TRIM9: variants seen among roughly 807,000 people sequenced by gnomAD.
TRIM9 encodes tripartite motif containing 9.
TRIM9 carries 26 observed loss-of-function variants against 78.3 expected under a neutral mutation model. The ratio of observed to expected loss-of-function variants is 0.33; its 90% CI spans 0.24 to 0.46. The LOEUF (loss-of-function observed/expected upper bound fraction) is 0.46, where lower values mean the gene tolerates loss of function less well. Among genes scored for constraint, TRIM9 ranks in the 20% least tolerant of loss-of-function variants. The pLI, the probability that TRIM9 is intolerant of heterozygous loss-of-function variation, is 1.00. For missense variants in TRIM9, 787 were observed against 1,036.4 expected, an observed-to-expected ratio of 0.76 and a Z score of 3.30; for synonymous variants, 398 against 416.5, an observed-to-expected ratio of 0.96 and a Z score of 0.54.
chr14:51,086,052 G>A (rs1405433559), intron 1 of TRIM9, among the ~76,000 whole-genome samples: 1 of 152,168 alleles, frequency 6.6e-6, no homozygotes, highest in Non-Finnish European at 1.5e-5. Flanking sequence ...TTGTCACAAG[G>A]AATCTTAGGA....
chr14:51,071,186 G>A (rs768511695), intron 1 of TRIM9, among the ~76,000 whole-genome samples: 2 of 151,752 alleles, frequency 1.3e-5, no homozygotes, highest in South Asian at 2.1e-4. Flanking sequence ...AAACCAGCCC[G>A]GACAACATGG....
intron 1 of TRIM9, among the ~76,000 whole-genome samples, chr14:51,058,071 A>G (rs2061028202): frequency 6.6e-6 from 1 of 152,220 alleles, no homozygotes; most frequent in Admixed American, 6.5e-5. Flanking sequence ...CTGACAGCCT[A>G]TCAGTAACTG....
chr14:50,999,112 G>T (rs1222926297), intron 6 of TRIM9, among the ~76,000 whole-genome samples: 1 of 152,040 alleles, frequency 6.6e-6, no homozygotes, highest in Non-Finnish European at 1.5e-5. Flanking sequence ...TCTGGGGTAG[G>T]GTCTCGATTT....
chr14:51,076,829 G>A (rs2062826839), intron 1 of TRIM9, among the ~76,000 whole-genome samples: 1 of 152,162 alleles, frequency 6.6e-6, no homozygotes, highest in Non-Finnish European at 1.5e-5. Flanking sequence ...CCTTCCCACT[G>A]CAAGATACAG....
Position 50,977,042 on chromosome 14 carries a change from G to GT in TRIM9, c.*248dup. 1 of 350,520 alleles carries GT rather than the reference G, an allele frequency of 2.9e-6. No individual in the cohort carries two copies. The highest frequency in any genetic ancestry group is 4.2e-5 in the East Asian group (1 of 24,012). The allele number at this position is 350,520 out of a possible 1,614,324, so 21.7% of individuals were successfully genotyped here. A position where few individuals can be genotyped will look rare whatever the true frequency, so the allele number is the denominator to read the frequency against. ...CTGGGAGTGGGAACCAAGTGACTTG[G>GT]TGGGCTGTCTAGGTCCTTTGTTGGT... On this transcript the variant is annotated 3_prime_UTR_variant, in exon 13 of 13. Transcript: ENST00000684578.
intron 7 of TRIM9, among the ~76,000 whole-genome samples, chr14:50,992,305 C>T (rs565485870): frequency 6.6e-5 from 10 of 152,096 alleles, no homozygotes; most frequent in Admixed American, 2.6e-4. Context: ...GAGCTGGGCA[C>T]GGTGGCTCAT....
chr14:51,060,702 C>T (rs1366076161), intron 1 of TRIM9, among the ~76,000 whole-genome samples: 6 of 152,104 alleles, frequency 3.9e-5, no homozygotes, highest in Middle Eastern at 3.2e-3. Context: ...CTACTGACCT[C>T]GTGATCTGCC....
intron 1 of TRIM9, among the ~76,000 whole-genome samples, chr14:51,062,164 CCT>C (rs1047417452): frequency 1.3e-5 from 2 of 151,960 alleles, no homozygotes; most frequent in African/African-American, 4.8e-5. Flanking sequence ...TTTTATGGTT[CCT>C]CTCTCTGCTG....
intron 10 of TRIM9, 61 bp downstream of exon 10, chr14:50,982,881 G>A: frequency 6.8e-7 from 1 of 1,462,210 alleles, no homozygotes; most frequent in Non-Finnish European, 9.3e-7. Flanking sequence ...TTAAACCTGT[G>A]AGACACCTCA....
chr14:51,086,274 G>C (rs1333257797), intron 1 of TRIM9, among the ~76,000 whole-genome samples: 1 of 152,138 alleles, frequency 6.6e-6, no homozygotes, highest in Non-Finnish European at 1.5e-5. Flanking sequence ...CAATTACAAC[G>C]GGTGTGACTT....
At chr14:50,982,315 G>C (rs2052051208) in intron 10 of TRIM9, 1 of 594,106 alleles carries the variant, frequency 1.7e-6, no homozygotes, top group Admixed American at 3.0e-5. Context: ...CGATTCAGCA[G>C]GGGTTACCTG....
chr14:51,061,708 G>A (rs1281311231), intron 1 of TRIM9, among the ~76,000 whole-genome samples: 2 of 152,106 alleles, frequency 1.3e-5, no homozygotes, highest in African/African-American at 2.4e-5. Context: ...TGAAATAGAA[G>A]TTGAGGTTCT....
chr14:51,073,539 G>A (rs935967793), intron 1 of TRIM9, among the ~76,000 whole-genome samples: 1 of 152,220 alleles, frequency 6.6e-6, no homozygotes, highest in African/African-American at 2.4e-5. Flanking sequence ...GAGAAGCCAT[G>A]CATAAGAGTG....
chr14:50,997,324 A>C (rs1262933372), intron 7 of TRIM9: 7 of 985,296 alleles, frequency 7.1e-6, no homozygotes, highest in African/African-American at 1.7e-5. Flanking sequence ...TATAGCTAAG[A>C]AGCAAAAATT....
At chr14:51,058,812 T>C (rs1403642775) in intron 1 of TRIM9, among the ~76,000 whole-genome samples, 1 of 152,266 alleles carries the variant, frequency 6.6e-6, no homozygotes. Context: ...CTGAAGATTA[T>C]GGATGGGATT....
At chr14:51,074,895 A>G (rs1157819024) in intron 1 of TRIM9, among the ~76,000 whole-genome samples, 1 of 152,228 alleles carries the variant, frequency 6.6e-6, no homozygotes, top group African/African-American at 2.4e-5. Context: ...CCGCAACTAC[A>G]TGGTTCATCT....
At chr14:51,060,678 A>G (rs758089035) in intron 1 of TRIM9, among the ~76,000 whole-genome samples, 1 of 152,148 alleles carries the variant, frequency 6.6e-6, no homozygotes, top group Non-Finnish European at 1.5e-5. Context: ...CGTGTTAGCC[A>G]GGATGGTCTC....
intron 7 of TRIM9, chr14:50,996,752 G>A: frequency 1.0e-6 from 1 of 985,424 alleles, no homozygotes; most frequent in Non-Finnish European, 1.2e-6. Context: ...GTGCTAAAAT[G>A]ATAATTCTGG....
Position 51,016,114 on chromosome 14 carries a change from G to A in TRIM9, c.1042-5620C>T, listed in dbSNP as rs192046379. ...CCCTGATATAAAATGGCATGGTACT[G>A]GCATATTACCTATGCACATCCTCTT... On this transcript the variant is annotated intron_variant, in intron 3 of 12. Coordinates refer to ENST00000684578, the MANE Select transcript of TRIM9 (RefSeq NM_001387360.1). Among the ~76,000 whole-genome samples the A allele has an allele frequency of 2.9e-3, 437 of 152,192 alleles. 2 individuals carry two copies. Among genetic ancestry groups the A allele is most frequent in the Non-Finnish European group, 4.0e-3 (269 of 68,004 alleles).
Sources: allele counts gnomAD v4.1 joint callset (sites outside exome capture counted in the v4.1 genomes callset), GRCh38; gene constraint gnomAD v4.1.1; transcripts MANE v1.5; gene names NCBI Gene and HGNC (gene_info 2026-07-23, HGNC 2026-07-21).